Variants in ZNF614 observed in about 807,000 individuals in gnomAD.
ZNF614 encodes zinc finger protein 614.
ZNF614 carries 11 observed loss-of-function variants against 12.8 expected under a neutral mutation model. The observed-to-expected ratio is 0.86, with a 90% confidence interval of 0.54 to 1.43. ZNF614 has a LOEUF of 1.43. Among genes scored for constraint, ZNF614 ranks in the 40% most tolerant of loss-of-function variants. The pLI, the probability that ZNF614 is intolerant of heterozygous loss-of-function variation, is 0.00. For missense variants in ZNF614, 664 were observed against 708.8 expected, an observed-to-expected ratio of 0.94 and a Z score of 0.72; for synonymous variants, 237 against 237.5, an observed-to-expected ratio of 1.00 and a Z score of 0.02.
intron 2 of ZNF614, among the ~76,000 whole-genome samples, chr19:52,023,300 C>G (rs1328072747): frequency 6.6e-6 from 1 of 151,652 alleles, no homozygotes; most frequent in Non-Finnish European, 1.5e-5. Flanking sequence ...TCCTGAGTAG[C>G]TGGGACTATA....
chr19:52,025,561 C>G (rs952595605), intron 2 of ZNF614, among the ~76,000 whole-genome samples, 170 bp downstream of exon 2: 2 of 152,064 alleles, frequency 1.3e-5, no homozygotes, highest in Admixed American at 1.3e-4. Flanking sequence ...TGAGCTCAAG[C>G]GATCCAGAAT....
chr19:52,020,480 C>T (rs752252464), intron 2 of ZNF614, among the ~76,000 whole-genome samples: 50 of 152,360 alleles, frequency 3.3e-4, no homozygotes, highest in Non-Finnish European at 7.2e-4. Context: ...GGCATTACAT[C>T]TTCCTGACTA....
At chr19:52,026,684 A>G (rs533290315) in intron 1 of ZNF614, among the ~76,000 whole-genome samples, 1 of 152,272 alleles carries the variant, frequency 6.6e-6, no homozygotes, top group East Asian at 1.9e-4. Flanking sequence ...TGCGGTTGAG[A>G]TAAGAGAAAG....
rs376617585 is a variant in ZNF614 at position 52,016,689 on chromosome 19, A to G, written c.909T>C (p.Ile303=). 1 of 1,614,104 alleles carries G rather than the reference A, an allele frequency of 6.2e-7. No individual in the cohort carries two copies. Among genetic ancestry groups the G allele is most frequent in the African/African-American group, 1.3e-5 (1 of 74,948 alleles). Residue 303 remains isoleucine (I), a synonymous_variant, in exon 5 of 5, where the codon ATT becomes ATC. Coordinates refer to ENST00000270649, the MANE Select transcript of ZNF614 (RefSeq NM_025040.4). ...CTCCACTATGAGTTCGCTGATGAGC[A>G]ATTAGATAGCGCTTCATTGTAAAGC... ...GKGFTMKRYL[I]AHQRTHSGEK...
Position 52,017,103 on chromosome 19 carries a change from A to C in ZNF614, c.495T>G (p.Leu165=), listed in dbSNP as rs778939523. ...GCGTACGTTCATGCTTACCATGTAG[A>C]AGTGTTTTCTCACCTCCAATAAACT... is the stretch of plus-strand genomic sequence containing the variant. ...PVEFIGGEKT[L]LHGKHERTHT... The change falls in exon 5 of 5, where the codon CTT becomes CTG. Residue 165 remains leucine (L), a synonymous_variant. Transcript: ENST00000270649. 4 of 1,614,172 alleles carry C rather than the reference A, an allele frequency of 2.5e-6. No individual in the cohort carries two copies. The Admixed American group carries it at 5.0e-5, about 20-fold the overall frequency.
At position 52,018,511 on chromosome 19, in the gene ZNF614, C is replaced by T; in HGVS notation, c.16-17G>A. The T allele has an allele frequency of 1.2e-6, 2 of 1,612,320 alleles. No individual in the cohort carries two copies. Among genetic ancestry groups the T allele is most frequent in the Non-Finnish European group, 1.7e-6 (2 of 1,179,012 alleles). The stretch of plus-strand genomic sequence containing the variant: ...CAGTGATTCCTGTAATTACAAAGTC[C>T]TATTCAATATGATATAAACTCCTAT... On this transcript the variant is annotated splice_polypyrimidine_tract_variant and intron_variant, in intron 2 of 4. Transcript: ENST00000270649.
rs369853246 is a variant in ZNF614, at chr19:52,018,328, T to C, written c.142+40A>G. On this transcript the variant is annotated intron_variant, in intron 3 of 4. Transcript: ENST00000270649. ...GTGAGCATAGGACGGTGTCTGGGCATTGTAGGCACCTCTAGGTGACACAGG... is the reference window on the plus strand; with the variant it reads ...GTGAGCATAGGACGGTGTCTGGGCACTGTAGGCACCTCTAGGTGACACAGG... 6.8e-6 allele frequency: 11 copies of C among 1,613,464 alleles called. No homozygotes were observed. In the African/African-American group the frequency reaches 1.2e-4, roughly 18 times the overall value.
chr19:52,023,716 C>A (rs1358809659), intron 2 of ZNF614, among the ~76,000 whole-genome samples: 1 of 152,208 alleles, frequency 6.6e-6, no homozygotes, highest in East Asian at 1.9e-4. Flanking sequence ...TTATCCGTGT[C>A]ACTTTCTATA....
rs2086968509 is a variant in ZNF614, at chr19:52,025,869, C to A, written c.-124G>T. 9.6e-7 allele frequency: 1 copy of A among 1,043,266 alleles called. No individual in the cohort carries two copies. Among genetic ancestry groups the A allele is most frequent in the Non-Finnish European group, 1.4e-6 (1 of 703,518 alleles). The allele number at this position is 1,043,266 out of a possible 1,614,324, so 64.6% of individuals were successfully genotyped here. A position where few individuals can be genotyped will look rare whatever the true frequency, so the allele number is the denominator to read the frequency against. Reference sequence around the variant, plus strand: ...ATTAGTGTCCACTTAAAGTTGTCCCCAGAAATTATGATATCCAAGGCCAGC... The same window carrying A: ...ATTAGTGTCCACTTAAAGTTGTCCCAAGAAATTATGATATCCAAGGCCAGC... On this transcript the variant is annotated 5_prime_UTR_variant, in exon 2 of 5. Coordinates refer to ENST00000270649, the MANE Select transcript of ZNF614 (RefSeq NM_025040.4).
chr19:52,027,594 TTGTG>T (rs888211792), intron 1 of ZNF614, among the ~76,000 whole-genome samples: 7 of 151,622 alleles, frequency 4.6e-5, no homozygotes, highest in Non-Finnish European at 8.8e-5. Context: ...AGGCAGTCAA[TTGTG>T]TGTGTGTGTG....
intron 2 of ZNF614, among the ~76,000 whole-genome samples, chr19:52,025,052 T>C (rs2086962388): frequency 6.6e-6 from 1 of 152,136 alleles, no homozygotes; most frequent in Admixed American, 6.5e-5. Context: ...GAGCTTGCAG[T>C]GAGCCAAGAC....
intron 2 of ZNF614, among the ~76,000 whole-genome samples, chr19:52,019,145 G>A (rs1221202554): frequency 2.0e-5 from 3 of 151,606 alleles, no homozygotes; most frequent in Admixed American, 6.6e-5. Context: ...GTGCCACTGC[G>A]CCCAGCAAAA....
chr19:52,018,806 G>C (rs2086917025), intron 2 of ZNF614, among the ~76,000 whole-genome samples: 1 of 152,114 alleles, frequency 6.6e-6, no homozygotes, highest in Non-Finnish European at 1.5e-5. Context: ...AAATGTAAGA[G>C]AAAAGATGAA....
intron 1 of ZNF614, among the ~76,000 whole-genome samples, chr19:52,026,632 G>C (rs975453944): frequency 6.6e-6 from 1 of 152,156 alleles, no homozygotes; most frequent in African/African-American, 2.4e-5. Flanking sequence ...CACCTGTAAA[G>C]GGTCTCTGCT....
Position 52,025,893 on chromosome 19 carries a change from G to C in ZNF614, c.-148C>G. The C allele has an allele frequency of 1.3e-6, 1 of 785,288 alleles. No homozygotes were observed. The highest frequency in any genetic ancestry group is 2.1e-6 in the Non-Finnish European group (1 of 485,036). The allele number at this position is 785,288 out of a possible 1,614,324, so 48.6% of individuals were successfully genotyped here. Reference sequence around the variant, plus strand: ...CCAGAAATTATGATATCCAAGGCCAGCAACCTCCTTCTTCTTCCTTCATTG... The same window carrying C: ...CCAGAAATTATGATATCCAAGGCCACCAACCTCCTTCTTCTTCCTTCATTG... On this transcript the variant is annotated 5_prime_UTR_variant, in exon 2 of 5. Transcript: ENST00000270649.
chr19:52,016,638 A>G lies in ZNF614; in HGVS notation c.960T>C (p.Cys320=), dbSNP rs2086899772. 6.2e-7 allele frequency: 1 copy of G among 1,614,050 alleles called. No homozygotes were observed. Among genetic ancestry groups the G allele is most frequent in the African/African-American group, 1.3e-5 (1 of 74,910 alleles). Residue 320 remains cysteine, a synonymous_variant, in exon 5 of 5, where the codon TGT becomes TGC. Transcript: ENST00000270649. ...TGCTCTTCACAGTGAAACCTTTTCC[A>G]CATTCTTTGCACACATAAGGTTTCT... The part of the protein sequence containing the change: ...SGEKPYVCKE[C]GKGFTVKSNL...
At chr19:52,023,725 T>C (rs2086950284) in intron 2 of ZNF614, among the ~76,000 whole-genome samples, 1 of 152,242 alleles carries the variant, frequency 6.6e-6, no homozygotes, top group South Asian at 2.1e-4. Flanking sequence ...TCACTTTCTA[T>C]ATACCAGACT....
chr19:52,019,643 G>A (rs1486028980), intron 2 of ZNF614, among the ~76,000 whole-genome samples: 1 of 152,118 alleles, frequency 6.6e-6, no homozygotes, highest in Non-Finnish European at 1.5e-5. Flanking sequence ...ATCCAGAAAC[G>A]TATGGAATAC....
rs141035689 is a variant in ZNF614 at position 52,017,297 on chromosome 19, C to T, written c.301G>A (p.Val101Met). 7,761 of 1,613,584 alleles carry T rather than the reference C, an allele frequency of 4.8e-3. 26 individuals are homozygous for T. The highest frequency in any genetic ancestry group is 6.0e-3 in the Non-Finnish European group (7,112 of 1,179,962). ...HSPNQRLLKS[V>M]QQCNGQNTLR... ...GTATTCTGTCCATTGCATTGCTGCACGCTCTTCAGAAGTCTTTGGTTTGGA... is the reference window on the plus strand; with the variant it reads ...GTATTCTGTCCATTGCATTGCTGCATGCTCTTCAGAAGTCTTTGGTTTGGA... The change falls in exon 5 of 5, where the codon GTG (valine) becomes ATG (methionine). Residue 101 changes from valine (V) to methionine (M), a missense_variant. Physicochemically the swap from Val to Met is conservative, Grantham distance 21. Coordinates refer to ENST00000270649, the MANE Select transcript of ZNF614 (RefSeq NM_025040.4).
Sources: allele counts gnomAD v4.1 joint callset (sites outside exome capture counted in the v4.1 genomes callset), GRCh38; gene constraint gnomAD v4.1.1; transcripts MANE v1.5; gene names NCBI Gene and HGNC (gene_info 2026-07-23, HGNC 2026-07-21).